NKIRAS1: variants seen among roughly 807,000 people sequenced by gnomAD.
NKIRAS1 encodes NFKB inhibitor interacting Ras like 1, also known as NF-kappa-B inhibitor-interacting Ras-like protein 1.
Under a neutral mutation model 19.8 loss-of-function variants are expected in NKIRAS1, and 16 were observed. The observed-to-expected ratio is 0.81, with a 90% CI of 0.55 to 1.23. The LOEUF is 1.23. NKIRAS1 is among the 50% of genes most tolerant of loss of function. The pLI is 0.00. For synonymous variants in NKIRAS1, 88 were observed against 79.0 expected (o/e 1.11, Z -0.61); for missense variants, 184 against 220.0 (o/e 0.84, Z 1.04).
At chr3:23,904,231 T>G (rs1702801458) in intron 3 of NKIRAS1, among the ~76,000 whole-genome samples, 2 of 152,240 alleles carry the variant, frequency 1.3e-5, no homozygotes, top group South Asian at 4.1e-4. Context: ...CCATTTGTGC[T>G]TCTATAACAA....
chr3:23,929,920 C>T (rs1705275927), intron 1 of NKIRAS1, among the ~76,000 whole-genome samples: 1 of 151,940 alleles, frequency 6.6e-6, no homozygotes, highest in African/African-American at 2.4e-5. Context: ...TATTTTCTTC[C>T]AGTCTTTGTT....
Position 23,890,694 on chromosome 3 carries a change from G to T in NKIRAS1, c.*2401C>A. 8.7e-7 allele frequency: 1 copy of T among 1,144,326 alleles called. No homozygotes were observed. 70.9% of individuals were successfully genotyped at this position (1,144,326 alleles called of 1,614,324 possible). On this transcript the variant is annotated 3_prime_UTR_variant, in exon 5 of 5. Transcript: ENST00000425478. ...AAGGGGTCAGGGAGGGTGGGAGTTG[G>T]TAAAGAGTAGGGTATTTCTATAACA...
At chr3:23,897,613 G>A (rs779118185) in intron 4 of NKIRAS1, among the ~76,000 whole-genome samples, 2 of 152,128 alleles carry the variant, frequency 1.3e-5, no homozygotes, top group Non-Finnish European at 2.9e-5. Flanking sequence ...CCTGAACATG[G>A]CAAGCAAATT....
At chr3:23,939,141 C>T (rs11925301) in intron 1 of NKIRAS1, among the ~76,000 whole-genome samples, 3,555 of 152,210 alleles carry the variant, frequency 0.023, 168 homozygotes, top group African/African-American at 0.082. Context: ...CTGGAATGTT[C>T]CCTAAAATTG....
rs1250873546 is a variant in NKIRAS1 at position 23,890,769 on chromosome 3, T to C, written c.*2326A>G. The C allele has an allele frequency of 1.6e-5, 9 of 568,042 alleles. No individual in the cohort carries two copies. Among genetic ancestry groups the C allele is most frequent in the Non-Finnish European group, 2.5e-5 (9 of 353,376 alleles). The allele number at this position is 568,042 out of a possible 1,614,324, so 35.2% of individuals were successfully genotyped here. A position where few individuals can be genotyped will look rare whatever the true frequency, so the allele number is the denominator to read the frequency against. ...AGATTTTGTTGTAACTTAAGGTATC[T>C]TGCTACAGTAGACAGAATTGGTAAT... On this transcript the variant is annotated 3_prime_UTR_variant, in exon 5 of 5. Transcript: ENST00000425478.
At chr3:23,924,086 A>T (rs1455261936) in intron 1 of NKIRAS1, 1 of 152,220 alleles carries the variant, frequency 6.6e-6, no homozygotes, top group African/African-American at 2.4e-5. Context: ...GAAGCCAGTG[A>T]TCCAGATAGC....
At chr3:23,915,775 C>T (rs575020452) in intron 1 of NKIRAS1, among the ~76,000 whole-genome samples, 1 of 152,310 alleles carries the variant, frequency 6.6e-6, no homozygotes, top group South Asian at 2.1e-4. Context: ...AATCAGACCC[C>T]TACTCTTACT....
chr3:23,929,214 A>G (rs1705264753), intron 1 of NKIRAS1, among the ~76,000 whole-genome samples: 1 of 150,856 alleles, frequency 6.6e-6, no homozygotes, highest in South Asian at 2.1e-4. Context: ...GTACAAAAAA[A>G]TTAGCAGGGC....
In NKIRAS1 at chr3:23,895,033, C is replaced by T. The variant is rs1459945482; in HGVS notation, c.337-1696G>A. 3.3e-5 allele frequency among the ~76,000 whole-genome samples: 5 copies of T among 152,128 alleles called. No homozygotes were observed. In the East Asian group the frequency reaches 9.6e-4, roughly 29 times the overall value. On this transcript the variant is annotated intron_variant, in intron 4 of 4. Coordinates refer to ENST00000425478, the MANE Select transcript of NKIRAS1 (RefSeq NM_020345.4). ...CATTCACCACTCCCGTGGTCATATC[C>T]TAGACCTTGTTTTGTTTGTTTTTTT... is the stretch of plus-strand genomic sequence containing the variant.
chr3:23,927,433 TC>T lies in NKIRAS1; in HGVS notation c.-139-15984del, dbSNP rs1321105791. ...TGGCTTGTGACATTAAACCTCATAATCAAAGCATTCAAACTTAACGAAATGC... is the reference window on the plus strand; with the variant it reads ...TGGCTTGTGACATTAAACCTCATAATAAAGCATTCAAACTTAACGAAATGC... On this transcript the variant is annotated intron_variant, in intron 1 of 4. Coordinates refer to the NKIRAS1 transcript ENST00000421515. The surrounding 1 kb of genome is among the most constrained non-coding windows in gnomAD (Gnocchi z 4.0). Among the ~76,000 whole-genome samples the T allele has an allele frequency of 6.6e-6, 1 of 152,204 alleles. No homozygotes were observed. Among genetic ancestry groups the T allele is most frequent in the Non-Finnish European group, 1.5e-5 (1 of 68,044 alleles).
In NKIRAS1 at chr3:23,891,833, C is replaced by T. The variant is rs1701492782; in HGVS notation, c.*1262G>A. 1 of 152,086 alleles carries T rather than the reference C, an allele frequency of 6.6e-6. No individual in the cohort carries two copies. Among genetic ancestry groups the T allele is most frequent in the Non-Finnish European group, 1.5e-5 (1 of 68,016 alleles). The allele number at this position is 152,086 out of a possible 1,614,324, so 9.4% of individuals were successfully genotyped here. Reference sequence around the variant, plus strand: ...ACTTATTTAAAAATCATTATGAAAGCATTTGTCCATCTATGTAACATGCAT... The same window carrying T: ...ACTTATTTAAAAATCATTATGAAAGTATTTGTCCATCTATGTAACATGCAT... On this transcript the variant is annotated 3_prime_UTR_variant, in exon 5 of 5. Coordinates refer to ENST00000425478, the MANE Select transcript of NKIRAS1 (RefSeq NM_020345.4).
chr3:23,900,057 G>A (rs544880964), intron 4 of NKIRAS1, among the ~76,000 whole-genome samples: 1 of 152,260 alleles, frequency 6.6e-6, no homozygotes, highest in African/African-American at 2.4e-5. Context: ...AGCTACTCAG[G>A]AGGCTGAGGC....
At chr3:23,912,270 G>C (rs1042716208) in intron 1 of NKIRAS1, among the ~76,000 whole-genome samples, 5 of 152,014 alleles carry the variant, frequency 3.3e-5, no homozygotes, top group African/African-American at 1.2e-4. Context: ...TACAGAATGG[G>C]AGATTTTTGC....
intron 3 of NKIRAS1, 130 bp from the exon 4 acceptor site, chr3:23,901,179 CTTTT>C (rs369838815): frequency 1.1e-3 from 800 of 726,232 alleles, no homozygotes; most frequent in East Asian, 5.7e-3. Flanking sequence ...TTCTATTTTA[CTTTT>C]TTTTTTTTTT....
chr3:23,915,620 A>G (rs1026343455), intron 1 of NKIRAS1, among the ~76,000 whole-genome samples: 3 of 152,184 alleles, frequency 2.0e-5, no homozygotes, highest in Non-Finnish European at 2.9e-5. Context: ...AAATCTGCCA[A>G]TGAAATCCAA....
intron 1 of NKIRAS1, chr3:23,946,223 T>A (rs995474612): frequency 7.1e-6 from 7 of 985,422 alleles, no homozygotes; most frequent in Non-Finnish European, 8.4e-6. Flanking sequence ...GACACCGCAG[T>A]GCACCGGACG....
intron 3 of NKIRAS1, among the ~76,000 whole-genome samples, chr3:23,903,226 A>G (rs887866874): frequency 1.3e-5 from 2 of 152,036 alleles, no homozygotes; most frequent in African/African-American, 4.8e-5. Context: ...CGATCCTCCC[A>G]CCTCAGCCCT....
chr3:23,943,254 C>T (rs1464099323), intron 1 of NKIRAS1, among the ~76,000 whole-genome samples: 3 of 152,114 alleles, frequency 2.0e-5, no homozygotes, highest in Non-Finnish European at 4.4e-5. Flanking sequence ...TTTTTTGAGA[C>T]AGAGTTTTGC....
chr3:23,945,178 G>A (rs1705606871), intron 1 of NKIRAS1: 1 of 127,930 alleles, frequency 7.8e-6, no homozygotes, highest in South Asian at 2.8e-4. Flanking sequence ...CCGGGAAGCG[G>A]GCGGGAGGGA....
Sources: gnomAD v4.1 joint callset for allele counts (sites outside exome capture counted in the v4.1 genomes callset) on GRCh38, gnomAD v4.1.1 for gene constraint, Gnocchi (gnomAD v3.1) non-coding constraint, MANE v1.5 for transcripts, NCBI Gene and HGNC (gene_info 2026-07-23, HGNC 2026-07-21) for gene names.